TENM3: variants seen among roughly 807,000 people sequenced by gnomAD.
TENM3 encodes teneurin transmembrane protein 3.
In TENM3, 63 loss-of-function variants were observed where a neutral mutation model predicts 255.1. The observed-to-expected ratio is 0.25, with a 90% CI of 0.20 to 0.30. The LOEUF (loss-of-function observed/expected upper bound fraction) is 0.30. Among genes scored for constraint, TENM3 ranks in the 10% least tolerant of loss-of-function variants. The pLI, the probability that TENM3 is intolerant of heterozygous loss-of-function variation, is 1.00. For missense variants in TENM3, 2,929 were observed against 3,461.1 expected, an observed-to-expected ratio of 0.85 and a Z score of 3.86; for synonymous variants, 1,306 against 1,322.3, an observed-to-expected ratio of 0.99 and a Z score of 0.27.
Position 182,789,218 on chromosome 4 carries a change from G to C in TENM3, c.5430G>C (p.Trp1810Cys). The C allele has an allele frequency of 2.5e-6, 4 of 1,613,558 alleles. No homozygotes were observed. Among genetic ancestry groups the C allele is most frequent in the Non-Finnish European group, 3.4e-6 (4 of 1,179,728 alleles). Residue 1810 changes from tryptophan (W) to cysteine (C), a missense_variant, in exon 25 of 28, where the codon TGG (tryptophan) becomes TGC (cysteine). Around this residue, in one of 6 missense-constraint regions of TENM3, gnomAD observed 303 missense variants for 425.2 expected, o/e 0.71. Coordinates refer to ENST00000511685, the MANE Select transcript of TENM3 (RefSeq NM_001080477.4). The surrounding 1 kb of genome is among the most constrained non-coding windows in gnomAD (Gnocchi z 4.4). ...AYDTSGHPTL[W>C]LPSSKLMAVN... ...ACACGTCTGGGCACCCGACTCTCTG[G>C]CTGCCAAGCAGCAAGCTGATGGCCG...
chr4:181,766,163 C>G, the TENM3 span, among the ~76,000 whole-genome samples: 4 of 152,152 alleles, frequency 2.6e-5, no homozygotes, highest in Admixed American at 6.5e-5. Flanking sequence ...GTACAACTTC[C>G]TCATCACGAA....
At chr4:182,003,952 T>G in the TENM3 span, among the ~76,000 whole-genome samples, 1 of 152,170 alleles carries the variant, frequency 6.6e-6, no homozygotes, top group African/African-American at 2.4e-5. Flanking sequence ...CTTTCAAGAC[T>G]TAACTTGTTT....
chr4:181,545,686 G>T, the TENM3 span, among the ~76,000 whole-genome samples: 1 of 152,050 alleles, frequency 6.6e-6, no homozygotes, highest in Non-Finnish European at 1.5e-5. Context: ...CCTGATGAAT[G>T]CTGCATATAC....
chr4:182,121,825 A>C, the TENM3 span, among the ~76,000 whole-genome samples: 1 of 152,152 alleles, frequency 6.6e-6, no homozygotes. Context: ...ACAACAGTGA[A>C]GTTGCCCCAT....
the TENM3 span, among the ~76,000 whole-genome samples, chr4:181,771,995 T>G: frequency 6.6e-6 from 1 of 152,234 alleles, no homozygotes; most frequent in African/African-American, 2.4e-5. Context: ...TGCTGAGATT[T>G]TTTTTAAAGA....
the TENM3 span, among the ~76,000 whole-genome samples, chr4:182,014,099 T>C: frequency 8.9e-6 from 1 of 112,118 alleles, no homozygotes; most frequent in Non-Finnish European, 2.1e-5. Context: ...TACGTGTATA[T>C]ACGTATATAC....
At chr4:182,311,898 A>G (rs1335436069) in intron 1 of TENM3, among the ~76,000 whole-genome samples, 1 of 152,180 alleles carries the variant, frequency 6.6e-6, no homozygotes, top group Admixed American at 6.5e-5. Context: ...GGAAAGCTGT[A>G]GTTGTTTTGA....
At chr4:181,794,624 T>C in the TENM3 span, among the ~76,000 whole-genome samples, 1,628 of 151,338 alleles carry the variant, frequency 0.011, 34 homozygotes, top group African/African-American at 0.038. Context: ...ATTTCCTTCT[T>C]TTTTAAGGCA....
At chr4:182,679,287 A>G (rs1336887832) in intron 7 of TENM3, among the ~76,000 whole-genome samples, 1 of 152,220 alleles carries the variant, frequency 6.6e-6, no homozygotes, top group African/African-American at 2.4e-5. Context: ...TTATATATCA[A>G]TTATGAATTT....
At chr4:181,888,461 C>T in the TENM3 span, among the ~76,000 whole-genome samples, 18 of 130,678 alleles carry the variant, frequency 1.4e-4, no homozygotes, top group Middle Eastern at 4.7e-3. Flanking sequence ...TATTAGTCAG[C>T]GTTCTCCAGA....
chr4:181,535,372 A>G, the TENM3 span, among the ~76,000 whole-genome samples: 7 of 152,088 alleles, frequency 4.6e-5, no homozygotes, highest in Non-Finnish European at 1.0e-4. Context: ...CCACACCTCA[A>G]TTCTCTTGTC....
At chr4:181,665,848 A>G in the TENM3 span, among the ~76,000 whole-genome samples, 1 of 152,086 alleles carries the variant, frequency 6.6e-6, no homozygotes. Flanking sequence ...TTTTTATTAA[A>G]TTTCGTATAT....
the TENM3 span, among the ~76,000 whole-genome samples, chr4:182,133,873 C>T: frequency 2.6e-5 from 4 of 151,982 alleles, no homozygotes; most frequent in African/African-American, 9.7e-5. Context: ...AATATTTAAC[C>T]CAGGGCAATA....
chr4:182,761,391 C>G (rs1288299846), intron 22 of TENM3, among the ~76,000 whole-genome samples: 1 of 151,128 alleles, frequency 6.6e-6, no homozygotes, highest in Non-Finnish European at 1.5e-5. Context: ...TGCACTCCAG[C>G]CTGGGTGAAA....
At chr4:182,400,068 AT>A in intron 3 of TENM3, among the ~76,000 whole-genome samples, 1 of 152,104 alleles carries the variant, frequency 6.6e-6, no homozygotes, top group East Asian at 1.9e-4. Context: ...TTCTGTCTCC[AT>A]TTTTTTGTTA....
At chr4:181,600,766 C>A in the TENM3 span, among the ~76,000 whole-genome samples, 1 of 151,584 alleles carries the variant, frequency 6.6e-6, no homozygotes, top group Non-Finnish European at 1.5e-5. Flanking sequence ...GTGATGGTAC[C>A]TGGTGAGTTC....
At chr4:182,212,278 G>A (rs183680327) in intron 1 of TENM3, among the ~76,000 whole-genome samples, 3 of 152,186 alleles carry the variant, frequency 2.0e-5, no homozygotes, top group Non-Finnish European at 4.4e-5. Flanking sequence ...AGCCTTGACC[G>A]CCACATGGCT....
the TENM3 span, among the ~76,000 whole-genome samples, chr4:181,979,143 T>C: frequency 2.1e-3 from 215 of 103,798 alleles, 1 homozygote; most frequent in South Asian, 2.9e-3. Flanking sequence ...TATATATATA[T>C]ATATATATAT....
the TENM3 span, among the ~76,000 whole-genome samples, chr4:181,539,499 T>G: frequency 6.6e-6 from 1 of 152,178 alleles, no homozygotes; most frequent in Non-Finnish European, 1.5e-5. Flanking sequence ...ATGAGATGAG[T>G]GTTTTCCATT....
Sources: gnomAD v4.1 joint callset for allele counts (sites outside exome capture counted in the v4.1 genomes callset) on GRCh38, gnomAD v4.1.1 for gene constraint, gnomAD v4.1.1 regional missense constraint, Gnocchi (gnomAD v3.1) non-coding constraint, MANE v1.5 for transcripts, NCBI Gene and HGNC (gene_info 2026-07-23, HGNC 2026-07-21) for gene names.